ACOT11: variants seen among roughly 807,000 people sequenced by gnomAD.
The protein encoded by ACOT11 is acyl-CoA thioesterase 11.
A neutral mutation model predicts 77.5 loss-of-function variants in ACOT11; 69 were observed. The ratio of observed to expected loss-of-function variants is 0.89; its 90% CI spans 0.73 to 1.09. The LOEUF (loss-of-function observed/expected upper bound fraction) is 1.09. Among genes scored for constraint, ACOT11 ranks in the 50% least tolerant of loss-of-function variants. The probability of loss-of-function intolerance (pLI) is 0.00; values close to 1 mark genes in which losing one functional copy is unlikely to be tolerated. For synonymous variants in ACOT11, 279 were observed against 313.0 expected, an observed-to-expected ratio of 0.89 and a Z score of 1.15; for missense variants, 766 against 813.7, an observed-to-expected ratio of 0.94 and a Z score of 0.71.
At chr1:54,613,570 G>T (rs1644141040), downstream of ACOT11, among the ~76,000 whole-genome samples, 1 of 152,058 alleles carries the variant, frequency 6.6e-6, no homozygotes, top group Non-Finnish European at 1.5e-5. Context: ...TTATAGGTGT[G>T]AGCCACTGTG....
chr1:54,583,764 A>G (rs908012918), intron 1 of ACOT11, among the ~76,000 whole-genome samples: 1 of 152,232 alleles, frequency 6.6e-6, no homozygotes, highest in African/African-American at 2.4e-5. Context: ...ATTAGTGGCG[A>G]CTGTCATCAC....
rs777626894 is a variant in ACOT11 at position 54,605,168 on chromosome 1, C to T, written c.1329C>T (p.Leu443=). The part of the protein sequence containing the change: ...HVDAAQAFLL[L]SDLRQRPEWD... Reference sequence around the variant, plus strand: ...ATGCAGCCCAGGCCTTCCTGCTGCTCTCGGACCTGCGTCAGAGGCCAGAGT... The same window carrying T: ...ATGCAGCCCAGGCCTTCCTGCTGCTTTCGGACCTGCGTCAGAGGCCAGAGT... Residue 443 remains leucine (L), a synonymous_variant, in exon 13 of 16, where the codon CTC becomes CTT. Transcript: ENST00000343744. 6.2e-7 allele frequency: 1 copy of T among 1,613,842 alleles called. No individual in the cohort carries two copies. Among genetic ancestry groups the T allele is most frequent in the Non-Finnish European group, 8.5e-7 (1 of 1,180,044 alleles).
downstream of ACOT11, chr1:54,612,707 G>A (rs776017844): frequency 2.4e-5 from 38 of 1,612,432 alleles, no homozygotes; most frequent in Non-Finnish European, 3.1e-5. Flanking sequence ...CCAGGGCCAG[G>A]AACCTGCAAA....
chr1:54,623,230 C>A lies in ACOT11; in HGVS notation c.1630-7504C>A, dbSNP rs202057124. The A allele has an allele frequency of 9.6e-6, 12 of 1,252,868 alleles. No individual in the cohort carries two copies. The East Asian group carries it at 2.8e-4, about 29-fold the overall frequency. The allele number at this position is 1,252,868 out of a possible 1,614,324, so 77.6% of individuals were successfully genotyped here. A position where few individuals can be genotyped will look rare whatever the true frequency, so the allele number is the denominator to read the frequency against. On this transcript the variant is annotated intron_variant, in intron 15 of 16. Transcript: ENST00000371316. ...GTAAGTGAGAAGTGGGGATAAGGAGCGAGCGATGAGGGAAGCCACTCAGGA... is the reference window on the plus strand; with the variant it reads ...GTAAGTGAGAAGTGGGGATAAGGAGAGAGCGATGAGGGAAGCCACTCAGGA...
In ACOT11 at chr1:54,597,283, G is replaced by T. The variant is rs1265405256; in HGVS notation, c.632G>T (p.Arg211Leu). The T allele has an allele frequency of 1.2e-6, 2 of 1,613,224 alleles. No individual in the cohort carries two copies. Among genetic ancestry groups the T allele is most frequent in the Non-Finnish European group, 1.7e-6 (2 of 1,180,022 alleles). ...QGDLESRDCSRMVPAEKTRVE... is the reference protein window; with the variant it reads ...QGDLESRDCSLMVPAEKTRVE... ...GATCTGGAGAGCAGAGACTGTAGCC[G>T]CATGGTGCCGGCTGAGAAGACCCGT... Residue 211 changes from arginine to leucine, a missense_variant, in exon 7 of 16, where the codon CGC (arginine) becomes CTC (leucine). Arg to Leu is a moderately radical substitution (Grantham distance 102). Coordinates refer to ENST00000343744, the MANE Select transcript of ACOT11 (RefSeq NM_147161.4).
chr1:54,555,865 A>G (rs1388642156), intron 1 of ACOT11, among the ~76,000 whole-genome samples: 1 of 151,978 alleles, frequency 6.6e-6, no homozygotes, highest in Non-Finnish European at 1.5e-5. Context: ...CTGCTGCCTC[A>G]GCCTCCCAAG....
At chr1:54,633,127 A>G (rs1168897988) in intron 16 of ACOT11, among the ~76,000 whole-genome samples, 1 of 152,212 alleles carries the variant, frequency 6.6e-6, no homozygotes, top group African/African-American at 2.4e-5. Context: ...CCTGCTAAAG[A>G]TTAGGAAAAA....
At chr1:54,556,959 G>A (rs1267699219) in intron 1 of ACOT11, among the ~76,000 whole-genome samples, 3 of 151,960 alleles carry the variant, frequency 2.0e-5, no homozygotes, top group African/African-American at 7.3e-5. Flanking sequence ...AGGTTGGAGC[G>A]CAGTGGTCTG....
At chr1:54,561,952 C>T (rs1393580915) in intron 1 of ACOT11, among the ~76,000 whole-genome samples, 2 of 91,634 alleles carry the variant, frequency 2.2e-5, no homozygotes, top group African/African-American at 7.0e-5. Context: ...GGCGGCTGGC[C>T]GGGCAGAGGG....
chr1:54,592,542 CCA>C lies in ACOT11; in HGVS notation c.312-3_312-2del. On this transcript the variant is annotated splice_acceptor_variant and splice_polypyrimidine_tract_variant and intron_variant, in intron 3 of 15. Coordinates refer to ENST00000343744, the MANE Select transcript of ACOT11 (RefSeq NM_147161.4). LOFTEE classifies it high-confidence loss of function. Reference sequence around the variant, plus strand: ...AGGCTCACCTCCTACTTTCCTCTCCCCAGTGTTGGACAAGTGGTGAATATCAA... The same window carrying C: ...AGGCTCACCTCCTACTTTCCTCTCCCGTGTTGGACAAGTGGTGAATATCAA... The C allele has an allele frequency of 6.2e-7, 1 of 1,612,228 alleles. No individual in the cohort carries two copies. Among genetic ancestry groups the C allele is most frequent in the South Asian group, 1.1e-5 (1 of 90,570 alleles).
At chr1:54,599,598 C>A in intron 8 of ACOT11, 183 bp downstream of exon 8, 1 of 658,894 alleles carries the variant, frequency 1.5e-6, no homozygotes, top group Non-Finnish European at 2.1e-6. Flanking sequence ...GGAGCCTTCC[C>A]TGGCTCCCAG....
At chr1:54,583,947 C>CCT (rs2100978023) in intron 1 of ACOT11, among the ~76,000 whole-genome samples, 1 of 152,270 alleles carries the variant, frequency 6.6e-6, no homozygotes, top group Admixed American at 6.5e-5. Flanking sequence ...GCACACCCCA[C>CCT]CTCTTCTGCT....
intron 1 of ACOT11, among the ~76,000 whole-genome samples, chr1:54,561,008 C>T (rs531367954): frequency 9.9e-5 from 15 of 152,202 alleles, no homozygotes; most frequent in Middle Eastern, 3.4e-3. Context: ...CAAGGCAATC[C>T]GCCCACCTTG....
rs745693507 is a variant in ACOT11, at chr1:54,609,097, CCTCCAGACCCTCTAGATGCCCTCAGT to C, written c.1771_*11del. The C allele has an allele frequency of 5.6e-6, 9 of 1,614,026 alleles. No homozygotes were observed. The South Asian group carries it at 8.8e-5, about 16-fold the overall frequency. ...ACAACCGGAATGATCTGGCCCCCAGCCTCCAGACCCTCTAGATGCCCTCAGTGGCCACATCATGCCCACTCCCACTC... is the reference window on the plus strand; with the variant it reads ...ACAACCGGAATGATCTGGCCCCCAGCGGCCACATCATGCCCACTCCCACTC... On this transcript the variant is annotated stop_lost and 3_prime_UTR_variant, in exon 16 of 16. Transcript: ENST00000343744.
At chr1:54,623,048 T>A (rs528886898) in intron 15 of ACOT11, among the ~76,000 whole-genome samples, 1 of 150,528 alleles carries the variant, frequency 6.6e-6, no homozygotes, top group African/African-American at 2.4e-5. Flanking sequence ...TGGTGGCGGG[T>A]GCCTGTAATC....
At chr1:54,612,764 T>C, downstream of ACOT11, 1 of 1,348,622 alleles carries the variant, frequency 7.4e-7, no homozygotes, top group Non-Finnish European at 1.1e-6. Context: ...CCCCTTCCTC[T>C]CCTCTGGGGT....
intron 15 of ACOT11, among the ~76,000 whole-genome samples, chr1:54,625,847 G>A (rs1477220608): frequency 6.6e-6 from 1 of 151,536 alleles, no homozygotes; most frequent in East Asian, 1.9e-4. Context: ...GCTGAGGTAG[G>A]AGGATGGCTT....
chr1:54,618,276 G>A (rs1247558697), intron 15 of ACOT11, among the ~76,000 whole-genome samples: 1 of 152,160 alleles, frequency 6.6e-6, no homozygotes, highest in Non-Finnish European at 1.5e-5. Flanking sequence ...GCCCGAGAAG[G>A]GCGGATCACT....
At chr1:54,592,031 A>G (rs1569729053) in intron 3 of ACOT11, among the ~76,000 whole-genome samples, 1 of 152,212 alleles carries the variant, frequency 6.6e-6, no homozygotes, top group East Asian at 1.9e-4. Context: ...TCAGTCAGCT[A>G]CCCTTTATGG....
Sources: allele counts gnomAD v4.1 joint callset (sites outside exome capture counted in the v4.1 genomes callset), GRCh38; gene constraint gnomAD v4.1.1; transcripts MANE v1.5; gene names NCBI Gene and HGNC (gene_info 2026-07-23, HGNC 2026-07-21).